The following ZNF184 variants were observed in gnomAD, a reference collection of about 807,000 sequenced individuals.
ZNF184 encodes zinc finger protein 184 (Kruppel-like).
ZNF184 carries 16 observed loss-of-function variants against 54.4 expected under a neutral mutation model. The observed-to-expected ratio is 0.29, with a 90% CI of 0.20 to 0.45. The LOEUF is 0.45. ZNF184 is among the 20% of genes least tolerant of loss of function. The pLI is 1.00. For missense variants in ZNF184, 681 were observed against 888.2 expected (o/e 0.77, Z 2.97); for synonymous variants, 254 against 295.3 (o/e 0.86, Z 1.43).
the ZNF184 span, among the ~76,000 whole-genome samples, chr6:27,435,736 C>A: frequency 6.6e-6 from 1 of 152,110 alleles, no homozygotes; most frequent in South Asian, 2.1e-4. Flanking sequence ...TTGTTTTAAA[C>A]CCATCAGTTA....
the ZNF184 span, among the ~76,000 whole-genome samples, chr6:27,423,646 A>AAAC: frequency 0.079 from 12,006 of 151,530 alleles, 596 homozygotes; most frequent in Middle Eastern, 0.19. Flanking sequence ...CAAAAAAACA[A>AAAC]AAAACAAAAC....
the ZNF184 span, among the ~76,000 whole-genome samples, chr6:27,445,718 T>C: frequency 3.4e-3 from 61 of 17,808 alleles, no homozygotes; most frequent in Non-Finnish European, 6.0e-3. Context: ...TATTCTGTTA[T>C]AGCAAAAAAA....
At chr6:27,457,260 T>G in intron 4 of ZNF184, 23 bp downstream of exon 4, 1 of 1,612,448 alleles carries the variant, frequency 6.2e-7, no homozygotes, top group Non-Finnish European at 8.5e-7. Flanking sequence ...CCCTTGATAT[T>G]AACTCAGAGA....
chr6:27,411,079 A>G, the ZNF184 span, among the ~76,000 whole-genome samples: 2 of 152,232 alleles, frequency 1.3e-5, no homozygotes, highest in Admixed American at 6.5e-5. Context: ...TCTGGGGGCT[A>G]GAAGTCCAAT....
chr6:27,456,996 G>T, intron 4 of ZNF184, 75 bp from the exon 5 acceptor site: 1 of 1,348,960 alleles, frequency 7.4e-7, no homozygotes, highest in Non-Finnish European at 1.0e-6. Flanking sequence ...TCACCACTTT[G>T]TCTTTAGAAG....
the ZNF184 span, among the ~76,000 whole-genome samples, chr6:27,414,933 A>G: frequency 6.6e-6 from 1 of 152,188 alleles, no homozygotes; most frequent in Non-Finnish European, 1.5e-5. Flanking sequence ...CTCACGCCTC[A>G]TGATAGTATG....
In ZNF184 at chr6:27,456,088, T is replaced by C. The variant is rs752016687; in HGVS notation, c.298+738A>G. On this transcript the variant is annotated intron_variant, in intron 5 of 5. Coordinates refer to ENST00000683788, the MANE Select transcript of ZNF184 (RefSeq NM_001318891.2). Reference sequence around the variant, plus strand: ...GCCTGGGCAACATGGCGAAACCGTGTCTCCACTAAAAATACAAAAATTAGC... The same window carrying C: ...GCCTGGGCAACATGGCGAAACCGTGCCTCCACTAAAAATACAAAAATTAGC... Among the ~76,000 whole-genome samples the C allele has an allele frequency of 7.1e-4, 108 of 152,124 alleles. 1 individual carries two copies. The highest frequency in any genetic ancestry group is 1.4e-3 in the Non-Finnish European group (97 of 67,994).
At chr6:27,464,050 G>A (rs1336902105) in intron 3 of ZNF184, among the ~76,000 whole-genome samples, 4 of 152,068 alleles carry the variant, frequency 2.6e-5, no homozygotes, top group African/African-American at 4.8e-5. Context: ...GACATCACTC[G>A]TCTCAACCCA....
the ZNF184 span, among the ~76,000 whole-genome samples, chr6:27,421,661 CT>C: frequency 6.6e-6 from 1 of 152,190 alleles, no homozygotes; most frequent in African/African-American, 2.4e-5. Context: ...TACAGTACAG[CT>C]ATAGGAAACT....
At chr6:27,464,827 T>C (rs553770567) in intron 3 of ZNF184, among the ~76,000 whole-genome samples, 14 of 151,338 alleles carry the variant, frequency 9.3e-5, no homozygotes, top group East Asian at 2.0e-4. Flanking sequence ...CCATCCTGGC[T>C]AACATGGTGA....
chr6:27,436,583 T>G, the ZNF184 span, among the ~76,000 whole-genome samples: 2 of 152,264 alleles, frequency 1.3e-5, no homozygotes, highest in African/African-American at 4.8e-5. Flanking sequence ...TCGCATTAAC[T>G]TTCAGTTGTT....
the ZNF184 span, among the ~76,000 whole-genome samples, chr6:27,415,741 C>CTTTT: frequency 2.6e-5 from 4 of 152,122 alleles, no homozygotes; most frequent in Non-Finnish European, 4.4e-5. Context: ...AAAAAGTGGG[C>CTTTT]TCTGAAGTTG....
the ZNF184 span, among the ~76,000 whole-genome samples, chr6:27,434,076 A>C: frequency 2.0e-5 from 3 of 147,380 alleles, no homozygotes; most frequent in Non-Finnish European, 4.5e-5. Context: ...GCTGCAGTGC[A>C]GTGGTGCAAC....
the ZNF184 span, among the ~76,000 whole-genome samples, chr6:27,420,848 T>C: frequency 6.6e-6 from 1 of 152,200 alleles, no homozygotes; most frequent in Non-Finnish European, 1.5e-5. Context: ...GTAACCAGTA[T>C]TTCCTTCAGT....
chr6:27,424,522 C>T, the ZNF184 span, among the ~76,000 whole-genome samples: 2 of 152,170 alleles, frequency 1.3e-5, no homozygotes, highest in Admixed American at 1.3e-4. Flanking sequence ...TTCTCCACCT[C>T]CCCACCAGAT....
At chr6:27,445,141 G>T in the ZNF184 span, among the ~76,000 whole-genome samples, 1 of 152,114 alleles carries the variant, frequency 6.6e-6, no homozygotes, top group Non-Finnish European at 1.5e-5. Context: ...TACATCAAAA[G>T]ACATGTATAA....
At chr6:27,436,043 G>C in the ZNF184 span, among the ~76,000 whole-genome samples, 1 of 151,744 alleles carries the variant, frequency 6.6e-6, no homozygotes, top group Admixed American at 6.6e-5. Context: ...TCTTATTCCT[G>C]TTCTTAAGGG....
At chr6:27,442,714 A>AGAAGGATG in the ZNF184 span, among the ~76,000 whole-genome samples, 8 of 57,114 alleles carry the variant, frequency 1.4e-4, no homozygotes, top group South Asian at 1.8e-3. Flanking sequence ...AGAGAGAGAA[A>AGAAGGATG]GAAGGACGGA....
intron 3 of ZNF184, among the ~76,000 whole-genome samples, chr6:27,463,670 A>G (rs1338960758): frequency 6.6e-6 from 1 of 152,138 alleles, no homozygotes; most frequent in Non-Finnish European, 1.5e-5. Flanking sequence ...ATAGAAAAAA[A>G]TCTTACAAGT....
Sources: allele counts gnomAD v4.1 joint callset (sites outside exome capture counted in the v4.1 genomes callset), GRCh38; gene constraint gnomAD v4.1.1; transcripts MANE v1.5; gene names NCBI Gene and HGNC (gene_info 2026-07-23, HGNC 2026-07-21).